FNDC3B: variants seen among roughly 807,000 people sequenced by gnomAD.
FNDC3B encodes the protein fibronectin type III domain-containing protein 3B.
A neutral mutation model predicts 151.5 loss-of-function variants in FNDC3B; 12 were observed. That is an observed-to-expected ratio of 0.08 (90% CI 0.05 to 0.13). The LOEUF (loss-of-function observed/expected upper bound fraction) is 0.13, where lower values mean the gene tolerates loss of function less well. Among genes scored for constraint, FNDC3B ranks in the 10% least tolerant of loss-of-function variants. FNDC3B has a pLI of 1.00. For missense variants in FNDC3B, 1,214 were observed against 1,505.3 expected (o/e 0.81, Z 3.20); for synonymous variants, 528 against 549.0 (o/e 0.96, Z 0.54).
At chr3:172,309,918 CAG>C (rs1731382300) in intron 10 of FNDC3B, among the ~76,000 whole-genome samples, 1 of 152,200 alleles carries the variant, frequency 6.6e-6, no homozygotes, top group Non-Finnish European at 1.5e-5. Context: ...AGATACATCT[CAG>C]GGGAAGCTGA....
chr3:172,394,293 A>G (rs999634260), intron 25 of FNDC3B, among the ~76,000 whole-genome samples: 4 of 151,938 alleles, frequency 2.6e-5, no homozygotes, highest in African/African-American at 9.7e-5. Flanking sequence ...CAAGATGAAA[A>G]CAGAAATAAT....
At chr3:172,175,762 T>G (rs1344986454) in intron 3 of FNDC3B, among the ~76,000 whole-genome samples, 1 of 152,190 alleles carries the variant, frequency 6.6e-6, no homozygotes, top group African/African-American at 2.4e-5. Context: ...GTGAGAACCT[T>G]GTACCGCGTT....
At chr3:172,258,458 A>G (rs1359315367) in intron 6 of FNDC3B, among the ~76,000 whole-genome samples, 7 of 152,184 alleles carry the variant, frequency 4.6e-5, no homozygotes, top group Non-Finnish European at 8.8e-5. Flanking sequence ...CATTGCTCAG[A>G]AACCAGAATC....
intron 4 of FNDC3B, 94 bp from the exon 5 acceptor site, chr3:172,247,439 A>G (rs998116122): frequency 1.5e-6 from 2 of 1,373,030 alleles, no homozygotes; most frequent in African/African-American, 2.9e-5. Flanking sequence ...ATGGTGGAAG[A>G]GAAAAGTAAA....
intron 19 of FNDC3B, among the ~76,000 whole-genome samples, chr3:172,345,597 C>A (rs908578435): frequency 6.6e-6 from 1 of 152,108 alleles, no homozygotes; most frequent in Non-Finnish European, 1.5e-5. Flanking sequence ...CCCTCCCCGC[C>A]GTCTTTTTTC....
chr3:172,304,764 G>A (rs1731109045), intron 9 of FNDC3B, among the ~76,000 whole-genome samples: 1 of 152,142 alleles, frequency 6.6e-6, no homozygotes. Flanking sequence ...AGGCATGATG[G>A]CAAGTGCCTG....
rs1257684664 is a variant in FNDC3B at position 172,381,068 on chromosome 3, T to C, written c.3278T>C (p.Val1093Ala). 7 of 1,613,694 alleles carry C rather than the reference T, an allele frequency of 4.3e-6. No homozygotes were observed. The South Asian group carries it at 7.7e-5, about 18-fold the overall frequency. ...GTTAACTACATTCTGCAGGTATTGG[T>C]TGGAAGAGAATCTGAGTACAAACAG... ...DPVNYILQVL[V>A]GRESEYKQVY... The change falls in exon 25 of 26, where the codon GTT (valine) becomes GCT (alanine). Residue 1093 changes from valine (V) to alanine (A), a missense_variant. This residue lies in a region of FNDC3B where 284 missense variants were observed against 392.4 expected (regional missense o/e 0.72). Transcript: ENST00000415807.
At chr3:172,123,143 A>G (rs550096548) in intron 2 of FNDC3B, among the ~76,000 whole-genome samples, 28 of 152,162 alleles carry the variant, frequency 1.8e-4, no homozygotes, top group African/African-American at 6.3e-4. Context: ...GGCTCAAGCT[A>G]TCCTCTCACC....
chr3:172,376,739 G>A (rs555025623), intron 23 of FNDC3B, among the ~76,000 whole-genome samples: 6 of 151,622 alleles, frequency 4.0e-5, no homozygotes, highest in African/African-American at 1.5e-4. Flanking sequence ...CAGCAAAGCA[G>A]ACAGAACACT....
rs531439551 is a variant in FNDC3B at position 172,228,245 on chromosome 3, T to C, written c.264+1298T>C. On this transcript the variant is annotated intron_variant, in intron 4 of 25. Coordinates refer to ENST00000415807, the MANE Select transcript of FNDC3B (RefSeq NM_022763.4). ...AGGCTCTTCCAGCAGGGACACCAGA[T>C]GATGGATCACATTCACATCAGCCGT... is the stretch of plus-strand genomic sequence containing the variant. Among the ~76,000 whole-genome samples the C allele has an allele frequency of 2.6e-5, 4 of 152,166 alleles. No individual in the cohort carries two copies. In the East Asian group the frequency reaches 5.8e-4, roughly 22 times the overall value.
At chr3:172,094,545 A>G (rs1296874634) in intron 1 of FNDC3B, among the ~76,000 whole-genome samples, 1 of 152,190 alleles carries the variant, frequency 6.6e-6, no homozygotes. Context: ...CGTCCATAAA[A>G]TGGATACATT....
At chr3:172,321,237 G>A (rs1197746124) in intron 11 of FNDC3B, among the ~76,000 whole-genome samples, 2 of 152,186 alleles carry the variant, frequency 1.3e-5, no homozygotes, top group Admixed American at 6.5e-5. Flanking sequence ...ACCATTGCGT[G>A]TCTGGATTTA....
chr3:172,132,541 G>A (rs922960909), intron 2 of FNDC3B, among the ~76,000 whole-genome samples: 48 of 152,030 alleles, frequency 3.2e-4, no homozygotes, highest in Admixed American at 4.6e-4. Flanking sequence ...AAGTAGCTGG[G>A]ATTATAGGCA....
intron 11 of FNDC3B, among the ~76,000 whole-genome samples, chr3:172,321,374 C>G (rs541047258): frequency 6.6e-6 from 1 of 152,162 alleles, no homozygotes; most frequent in Non-Finnish European, 1.5e-5. Context: ...TGATCTTTAT[C>G]GTCTAGGAGT....
intron 8 of FNDC3B, among the ~76,000 whole-genome samples, chr3:172,298,319 G>C (rs1172371106): frequency 1.3e-5 from 2 of 152,194 alleles, no homozygotes; most frequent in Non-Finnish European, 2.9e-5. Flanking sequence ...TTTTTCTTAA[G>C]ACAGTCCAGA....
chr3:172,335,905 GT>G lies in FNDC3B; in HGVS notation c.1780+826del, dbSNP rs200506438. The stretch of plus-strand genomic sequence containing the variant: ...ACACCAACCACTGAGACATATAACT[GT>G]TTCAAGTTACCTAATAATTGTGAGA... On this transcript the variant is annotated intron_variant, in intron 15 of 25. Coordinates refer to ENST00000415807, the MANE Select transcript of FNDC3B (RefSeq NM_022763.4). The G allele has an allele frequency of 8.4e-3, 1,284 of 152,142 alleles. 18 individuals carry two copies. The highest frequency in any genetic ancestry group is 0.029 in the African/African-American group (1,221 of 41,494). The allele number at this position is 152,142 out of a possible 1,614,324, so 9.4% of individuals were successfully genotyped here.
intron 1 of FNDC3B, among the ~76,000 whole-genome samples, chr3:172,077,161 TA>T (rs536068939): frequency 1.3e-5 from 2 of 151,752 alleles, no homozygotes; most frequent in Admixed American, 6.6e-5. Flanking sequence ...TTAAAAAAAA[TA>T]AAAAAAAGTG....
chr3:172,397,218 G>A lies in FNDC3B; in HGVS notation c.3358G>A (p.Asp1120Asn), dbSNP rs748552718. 1.9e-6 allele frequency: 3 copies of A among 1,614,038 alleles called. No homozygotes were observed. The highest frequency in any genetic ancestry group is 8.5e-7 in the Non-Finnish European group (1 of 1,180,010). The change falls in exon 26 of 26, where the codon GAC (aspartate) becomes AAC (asparagine). Residue 1120 changes from aspartate (D) to asparagine (N), a missense_variant. Physicochemically the swap from Asp to Asn is conservative, Grantham distance 23. This residue lies in a region of FNDC3B where 284 missense variants were observed against 392.4 expected (regional missense o/e 0.72). Coordinates refer to ENST00000415807, the MANE Select transcript of FNDC3B (RefSeq NM_022763.4). ...FQISGLQTNT[D>N]YRFRVCACRR... is the part of the protein sequence containing the mutation. ...AATCTCAGGCCTCCAGACCAACACA[G>A]ACTACAGGTTCCGCGTATGTGCGTG...
intron 7 of FNDC3B, 86 bp downstream of exon 7, chr3:172,286,070 T>A: frequency 1.1e-6 from 1 of 948,838 alleles, no homozygotes; most frequent in Non-Finnish European, 1.7e-6. Flanking sequence ...ACACAGTAGG[T>A]AAGGAAAAGG....
Sources: gnomAD v4.1 joint callset for allele counts (sites outside exome capture counted in the v4.1 genomes callset) on GRCh38, gnomAD v4.1.1 for gene constraint, gnomAD v4.1.1 regional missense constraint, MANE v1.5 for transcripts, NCBI Gene and HGNC (gene_info 2026-07-23, HGNC 2026-07-21) for gene names.